The following EEF1AKMT2 variants were observed in gnomAD, a reference collection of about 807,000 sequenced individuals.
The protein encoded by EEF1AKMT2 is EEF1A lysine methyltransferase 2, also known as eukaryotic translation elongation factor 1 alpha lysine methyltransferase 2.
EEF1AKMT2 carries 32 observed loss-of-function variants against 35.8 expected under a neutral mutation model. That is an observed-to-expected ratio of 0.89 (90% CI 0.67 to 1.20). The LOEUF (loss-of-function observed/expected upper bound fraction) is 1.20. Among genes scored for constraint, EEF1AKMT2 ranks in the 50% most tolerant of loss-of-function variants. The pLI is 0.00. For missense variants in EEF1AKMT2, 330 were observed against 347.5 expected, an observed-to-expected ratio of 0.95 and a Z score of 0.40; for synonymous variants, 121 against 133.7, an observed-to-expected ratio of 0.91 and a Z score of 0.65.
chr10:124,791,655 C>T, intron 1 of EEF1AKMT2, 69 bp downstream of exon 1: 4 of 1,535,618 alleles, frequency 2.6e-6, no homozygotes, highest in Non-Finnish European at 3.5e-6. Flanking sequence ...GTCTCCACCC[C>T]GCCGTCCCCT....
chr10:124,781,041 G>T (rs1950535438), intron 3 of EEF1AKMT2, among the ~76,000 whole-genome samples: 1 of 151,916 alleles, frequency 6.6e-6, no homozygotes, highest in African/African-American at 2.4e-5. Flanking sequence ...CGCCTCCCGG[G>T]TTCAAGCTAT....
intron 4 of EEF1AKMT2, among the ~76,000 whole-genome samples, chr10:124,767,329 C>T (rs1465827073): frequency 2.4e-4 from 36 of 151,110 alleles, no homozygotes; most frequent in Admixed American, 4.6e-4. Flanking sequence ...CTGGCTAACA[C>T]GGTGAAACCC....
At chr10:124,762,998 ACT>A (rs1297312141) in intron 5 of EEF1AKMT2, among the ~76,000 whole-genome samples, 1 of 152,162 alleles carries the variant, frequency 6.6e-6, no homozygotes, top group African/African-American at 2.4e-5. Flanking sequence ...TAGTGGTTGT[ACT>A]CCACTGATGG....
chr10:124,774,899 T>A (rs1258820611), intron 3 of EEF1AKMT2, 117 bp from the exon 4 acceptor site: 2 of 419,270 alleles, frequency 4.8e-6, no homozygotes, highest in Non-Finnish European at 8.1e-6. Context: ...GAAAATGACA[T>A]ATAATCCAAT....
chr10:124,782,999 A>T (rs1355250594), intron 3 of EEF1AKMT2: 1 of 421,474 alleles, frequency 2.4e-6, no homozygotes, highest in Admixed American at 3.1e-5. Context: ...AAATATAATA[A>T]TAAGGTAAGT....
intron 3 of EEF1AKMT2, 140 bp downstream of exon 3, chr10:124,788,903 C>T (rs942384720): frequency 1.7e-6 from 1 of 597,794 alleles, no homozygotes; most frequent in Admixed American, 3.1e-5. Context: ...CATGTAGCCT[C>T]CCTTTTGTAC....
At chr10:124,774,832 T>G in intron 3 of EEF1AKMT2, 50 bp from the exon 4 acceptor site, 1 of 900,860 alleles carries the variant, frequency 1.1e-6, no homozygotes, top group Non-Finnish European at 1.6e-6. Context: ...ATATAATGTT[T>G]TGTTTATGAA....
In EEF1AKMT2 at chr10:124,765,357, G is replaced by A. The variant is rs551672494; in HGVS notation, c.616+35C>T. 179 of 1,551,942 alleles carry A rather than the reference G, an allele frequency of 1.2e-4. 2 individuals carry two copies. In the South Asian group the frequency reaches 1.8e-3, roughly 16 times the overall value. ...CCTATTTAAGTACATGAAACCTGAG[G>A]TAAGCACACATTTAAACACCATATA... On this transcript the variant is annotated intron_variant, in intron 5 of 6. Transcript: ENST00000368836.
intron 2 of EEF1AKMT2, among the ~76,000 whole-genome samples, 173 bp downstream of exon 2, chr10:124,790,100 G>A (rs556434296): frequency 3.3e-5 from 5 of 151,824 alleles, no homozygotes; most frequent in South Asian, 4.2e-4. Context: ...TCACCATGTC[G>A]GCCAGGATGG....
chr10:124,771,452 A>G (rs937733929), intron 4 of EEF1AKMT2, among the ~76,000 whole-genome samples: 5 of 152,174 alleles, frequency 3.3e-5, no homozygotes, highest in African/African-American at 1.2e-4. Context: ...ACGAATCACT[A>G]TCTATGACAT....
intron 4 of EEF1AKMT2, among the ~76,000 whole-genome samples, chr10:124,768,131 A>T (rs1950395937): frequency 6.6e-6 from 1 of 152,236 alleles, no homozygotes; most frequent in Non-Finnish European, 1.5e-5. Context: ...GACTCAAAAC[A>T]AGCTTGACAT....
rs563106513 is a variant in EEF1AKMT2, at chr10:124,759,365, T to C, written c.*1138A>G. On this transcript the variant is annotated 3_prime_UTR_variant, in exon 7 of 7. Coordinates refer to ENST00000368836, the MANE Select transcript of EEF1AKMT2 (RefSeq NM_212554.4). ...AGAGGCAAGTCTTTGAGTAGGGAGA[T>C]GGGGAAAAGTAATGAAGGATGATAT... 6.6e-6 allele frequency: 1 copy of C among 152,208 alleles called. No homozygotes were observed. Among genetic ancestry groups the C allele is most frequent in the East Asian group, 1.9e-4 (1 of 5,180 alleles). The allele number at this position is 152,208 out of a possible 1,614,324, so 9.4% of individuals were successfully genotyped here.
chr10:124,760,972 C>T (rs542520646), intron 6 of EEF1AKMT2, among the ~76,000 whole-genome samples: 11 of 152,314 alleles, frequency 7.2e-5, no homozygotes, highest in African/African-American at 2.6e-4. Context: ...AGAGTTCAAG[C>T]GATTCTCACT....
chr10:124,782,122 G>C (rs528064587), intron 3 of EEF1AKMT2, among the ~76,000 whole-genome samples: 2 of 152,070 alleles, frequency 1.3e-5, no homozygotes, highest in African/African-American at 4.8e-5. Flanking sequence ...TATTCAAGAA[G>C]ATACACATAA....
intron 3 of EEF1AKMT2, among the ~76,000 whole-genome samples, chr10:124,776,705 G>A (rs959741008): frequency 6.6e-6 from 1 of 152,038 alleles, no homozygotes; most frequent in African/African-American, 2.4e-5. Context: ...TGAGGCAGGA[G>A]AATTGCTTGA....
intron 3 of EEF1AKMT2, among the ~76,000 whole-genome samples, chr10:124,785,395 T>C (rs1950576238): frequency 6.6e-6 from 1 of 152,010 alleles, no homozygotes; most frequent in African/African-American, 2.4e-5. Context: ...AAAAAATTAA[T>C]TGGACTTCAT....
intron 5 of EEF1AKMT2, 148 bp downstream of exon 5, chr10:124,765,244 G>A (rs1950368514): frequency 1.5e-6 from 1 of 651,992 alleles, no homozygotes; most frequent in African/African-American, 1.8e-5. Context: ...ACAGTCAAAA[G>A]TTATTGTCAA....
chr10:124,783,200 G>A (rs1456441999), intron 3 of EEF1AKMT2, among the ~76,000 whole-genome samples: 1 of 148,724 alleles, frequency 6.7e-6, no homozygotes, highest in African/African-American at 2.5e-5. Flanking sequence ...GAGTGCAGTG[G>A]GGCCATCTCG....
intron 3 of EEF1AKMT2, among the ~76,000 whole-genome samples, chr10:124,783,901 C>T (rs563954364): frequency 3.9e-5 from 6 of 152,176 alleles, no homozygotes; most frequent in Non-Finnish European, 5.9e-5. Context: ...CTCGGCTCAC[C>T]GCAACCTCCG....
Sources: gnomAD v4.1 joint callset for allele counts (sites outside exome capture counted in the v4.1 genomes callset) on GRCh38, gnomAD v4.1.1 for gene constraint, MANE v1.5 for transcripts, NCBI Gene and HGNC (gene_info 2026-07-23, HGNC 2026-07-21) for gene names.